GSTA5: variants seen among roughly 807,000 people sequenced by gnomAD.
GSTA5 encodes the protein glutathione S-transferase alpha 5.
Under a neutral mutation model 21.8 loss-of-function variants are expected in GSTA5, and 25 were observed. The observed-to-expected ratio is 1.14, with a 90% confidence interval of 0.83 to 1.60. The LOEUF is 1.60. GSTA5 is among the 40% of genes most tolerant of loss of function. The probability of loss-of-function intolerance (pLI) is 0.00; values close to 1 mark genes in which losing one functional copy is unlikely to be tolerated. For missense variants in GSTA5, 330 were observed against 259.2 expected (o/e 1.27, Z -1.88); for synonymous variants, 102 against 89.5 (o/e 1.14, Z -0.78).
At chr6:52,832,652 G>A (rs1225057858) in intron 5 of GSTA5, among the ~76,000 whole-genome samples, 1 of 152,162 alleles carries the variant, frequency 6.6e-6, no homozygotes, top group Non-Finnish European at 1.5e-5. Context: ...TACTCTTCAT[G>A]GGTTAGCATG....
In GSTA5 at chr6:52,836,095, T is replaced by A. The variant is rs948891370; in HGVS notation, c.272+141A>T. On this transcript the variant is annotated intron_variant, in intron 3 of 5. Transcript: ENST00000370989. ...CTGTTCCCTCATCTCCATGGGACTC[T>A]GCAATACTGGACCTCAGCGTGCATC... 5.8e-6 allele frequency: 5 copies of A among 864,538 alleles called. No individual in the cohort carries two copies. The African/African-American group carries it at 8.4e-5, about 15-fold the overall frequency. The allele number at this position is 864,538 out of a possible 1,614,324, so 53.6% of individuals were successfully genotyped here.
chr6:52,831,952 T>C (rs779735170), exon 6 of GSTA5: 1 of 1,613,370 alleles, frequency 6.2e-7, no homozygotes. Context: ...GGCAGGTTGC[T>C]GATTCTGGTT....
intron 4 of GSTA5, 107 bp from the exon 5 acceptor site, chr6:52,833,097 T>C (rs576124777): frequency 4.8e-6 from 6 of 1,238,760 alleles, no homozygotes; most frequent in Non-Finnish European, 7.0e-6. Context: ...TGTTGCCTTA[T>C]TGCATGGGTG....
upstream of GSTA5, among the ~76,000 whole-genome samples, chr6:52,843,630 T>C (rs1194188493): frequency 5.3e-5 from 8 of 152,242 alleles, no homozygotes; most frequent in East Asian, 1.5e-3. Flanking sequence ...TTTGAAATCA[T>C]ACTGAATCAA....
At chr6:52,835,931 T>C (rs1340856229) in intron 3 of GSTA5, among the ~76,000 whole-genome samples, 1 of 152,302 alleles carries the variant, frequency 6.6e-6, no homozygotes, top group African/African-American at 2.4e-5. Flanking sequence ...CCTCTGAAGT[T>C]CTGAGTACCT....
At chr6:52,837,778 T>C (rs1258726170) in intron 1 of GSTA5, among the ~76,000 whole-genome samples, 169 bp from the exon 2 acceptor site, 2 of 152,346 alleles carry the variant, frequency 1.3e-5, no homozygotes, top group East Asian at 1.9e-4. Context: ...ACCTAATTCA[T>C]TGAGAAAAGT....
intron 4 of GSTA5, among the ~76,000 whole-genome samples, 190 bp from the exon 5 acceptor site, chr6:52,833,180 G>A (rs1764242094): frequency 6.6e-6 from 1 of 152,134 alleles, no homozygotes; most frequent in Admixed American, 6.5e-5. Context: ...CTCACTGCTT[G>A]GTTGGAGGCC....
intron 1 of GSTA5, among the ~76,000 whole-genome samples, chr6:52,839,140 G>A (rs1371468532): frequency 6.6e-6 from 1 of 152,202 alleles, no homozygotes; most frequent in Non-Finnish European, 1.5e-5. Context: ...GGGTGGTCCA[G>A]GAAGGAGGGT....
intron 1 of GSTA5, among the ~76,000 whole-genome samples, chr6:52,838,875 A>T (rs1006275593): frequency 3.3e-5 from 5 of 152,208 alleles, no homozygotes; most frequent in Non-Finnish European, 7.3e-5. Flanking sequence ...GAATTTTGTA[A>T]TGTTTCAAAA....
exon 6 of GSTA5, chr6:52,831,725 C>T (rs1477214054): frequency 2.7e-6 from 3 of 1,114,102 alleles, no homozygotes; most frequent in Non-Finnish European, 3.9e-6. Context: ...ATTTAATTAG[C>T]ATGTAATTGG....
In GSTA5 at chr6:52,834,421, A is replaced by C. The variant is rs141266617; in HGVS notation, c.273-139T>G. ...TAGTGCCTTTTATACGCTAGTCATT[A>C]TGCTCTGAGTTTTACAGGTATATAG... On this transcript the variant is annotated intron_variant, in intron 3 of 5. Transcript: ENST00000370989. The C allele has an allele frequency of 3.1e-4, 226 of 731,228 alleles. 2 individuals carry two copies. Among genetic ancestry groups the C allele is most frequent in the Middle Eastern group, 2.4e-3 (6 of 2,548 alleles). The allele number at this position is 731,228 out of a possible 1,614,324, so 45.3% of individuals were successfully genotyped here.
At chr6:52,837,302 A>G (rs1307144460) in intron 2 of GSTA5, among the ~76,000 whole-genome samples, 1 of 152,190 alleles carries the variant, frequency 6.6e-6, no homozygotes, top group Non-Finnish European at 1.5e-5. Context: ...CCCAAGCATG[A>G]AAACAGAAAA....
intron 3 of GSTA5, among the ~76,000 whole-genome samples, chr6:52,835,953 C>A (rs1764286116): frequency 6.6e-6 from 1 of 152,146 alleles, no homozygotes; most frequent in African/African-American, 2.4e-5. Flanking sequence ...AATCATGATT[C>A]CCCATCCTCC....
exon 4 of GSTA5, chr6:52,834,214 G>A: frequency 6.2e-7 from 1 of 1,613,910 alleles, no homozygotes; most frequent in Non-Finnish European, 8.5e-7. Context: ...TCTTTCCTCT[G>A]GTTGACATAT....
intron 1 of GSTA5, among the ~76,000 whole-genome samples, chr6:52,839,322 T>TC (rs1161359871): frequency 1.3e-5 from 2 of 152,018 alleles, no homozygotes; most frequent in Non-Finnish European, 2.9e-5. Flanking sequence ...GCCTTGCCCC[T>TC]CCCTCCCTCC....
chr6:52,833,642 A>G (rs764231605), intron 4 of GSTA5, among the ~76,000 whole-genome samples: 10 of 152,230 alleles, frequency 6.6e-5, no homozygotes, highest in Non-Finnish European at 1.3e-4. Context: ...TGCATTTTAA[A>G]GAATCTTCCT....
exon 2 of GSTA5, chr6:52,837,584 G>A: frequency 6.2e-7 from 1 of 1,608,418 alleles, no homozygotes; most frequent in South Asian, 1.1e-5. Context: ...CAAATCTTCT[G>A]CAGATTCTAG....
At chr6:52,844,305 G>A (rs1317861226), upstream of GSTA5, among the ~76,000 whole-genome samples, 1 of 152,112 alleles carries the variant, frequency 6.6e-6, no homozygotes, top group Non-Finnish European at 1.5e-5. Context: ...TAGTATATTA[G>A]CCAACTAAAT....
chr6:52,837,597 A>G, exon 2 of GSTA5: 1 of 1,608,224 alleles, frequency 6.2e-7, no homozygotes, highest in Admixed American at 1.7e-5. Flanking sequence ...GATTCTAGAA[A>G]TTTCTCTTCC....
Sources: allele counts gnomAD v4.1 joint callset (sites outside exome capture counted in the v4.1 genomes callset), GRCh38; gene constraint gnomAD v4.1.1; transcripts MANE v1.5; gene names NCBI Gene and HGNC (gene_info 2026-07-23, HGNC 2026-07-21).